RBM25: variants seen among roughly 807,000 people sequenced by gnomAD.
The protein encoded by RBM25 is RNA-binding protein 25.
RBM25 carries 19 observed loss-of-function variants against 120.7 expected under a neutral mutation model. That is an observed-to-expected ratio of 0.16 (90% CI 0.11 to 0.23). RBM25 has a LOEUF of 0.23. RBM25 is among the 10% of genes least tolerant of loss of function. The probability of loss-of-function intolerance (pLI) is 1.00; values close to 1 mark genes in which losing one functional copy is unlikely to be tolerated. For missense variants in RBM25, 605 were observed against 1,041.5 expected, an observed-to-expected ratio of 0.58 and a Z score of 5.77; for synonymous variants, 390 against 326.7, an observed-to-expected ratio of 1.19 and a Z score of -2.09.
rs763262585 is a variant in RBM25, at chr14:73,106,087, T to C, written c.1377+6T>C. On this transcript the variant is annotated splice_donor_region_variant and intron_variant, in intron 11 of 18. Coordinates refer to ENST00000261973, the MANE Select transcript of RBM25 (RefSeq NM_021239.3). ...AAGAAGCTGCTTATCAAGAGGTAAGTTGAGAAAATGCCTTTATTCTTAAAT... is the reference window on the plus strand; with the variant it reads ...AAGAAGCTGCTTATCAAGAGGTAAGCTGAGAAAATGCCTTTATTCTTAAAT... 1.2e-6 allele frequency: 2 copies of C among 1,602,012 alleles called. No individual in the cohort carries two copies. Among genetic ancestry groups the C allele is most frequent in the Admixed American group, 3.5e-5 (2 of 56,356 alleles).
At chr14:73,081,612 T>C (rs903448772) in intron 4 of RBM25, among the ~76,000 whole-genome samples, 2 of 152,224 alleles carry the variant, frequency 1.3e-5, no homozygotes, top group African/African-American at 4.8e-5. Flanking sequence ...ATTGGGATGA[T>C]ACATCCTCTG....
intron 5 of RBM25, among the ~76,000 whole-genome samples, chr14:73,086,280 A>G (rs891395118): frequency 3.9e-5 from 6 of 151,974 alleles, no homozygotes; most frequent in Non-Finnish European, 8.8e-5. Flanking sequence ...TCTACTAAAA[A>G]TACAGAAATT....
rs137934948 is a variant in RBM25 at position 73,087,996 on chromosome 14, G to T, written c.383-5G>T. 1 of 1,606,624 alleles carries T rather than the reference G, an allele frequency of 6.2e-7. No individual in the cohort carries two copies. Among genetic ancestry groups the T allele is most frequent in the African/African-American group, 1.3e-5 (1 of 74,454 alleles). ...ATTTCACTAATTGTTTTCATCCATT[G>T]CTAGCCTTCGGATTCTGTGAGTACA... is the stretch of plus-strand genomic sequence containing the variant. On this transcript the variant is annotated splice_region_variant and splice_polypyrimidine_tract_variant and intron_variant, in intron 5 of 18. Transcript: ENST00000261973.
intron 7 of RBM25, 24 bp downstream of exon 7, chr14:73,097,124 T>C (rs1220988416): frequency 1.3e-6 from 2 of 1,549,478 alleles, no homozygotes; most frequent in Non-Finnish European, 1.7e-6. Flanking sequence ...CAACAACATA[T>C]CATTTCTACC....
chr14:73,105,038 T>TACACACACACACACACACACACAC (rs57281649), intron 10 of RBM25, among the ~76,000 whole-genome samples: 3,656 of 141,072 alleles, frequency 0.026, 73 homozygotes, highest in African/African-American at 0.036. Flanking sequence ...ACATATTAAA[T>TACACACACACACACACACACACAC]ACACACACAC....
Position 73,076,374 on chromosome 14 carries a change from T to C in RBM25, c.156+6T>C. ...TTATGGCTCCTGCTCCAACTGTAAG[T>C]ATAACTTAAAGGAGGAATCATGAGT... On this transcript the variant is annotated splice_donor_region_variant and intron_variant, in intron 3 of 18. Coordinates refer to ENST00000261973, the MANE Select transcript of RBM25 (RefSeq NM_021239.3). 1 of 1,607,822 alleles carries C rather than the reference T, an allele frequency of 6.2e-7. No homozygotes were observed. The highest frequency in any genetic ancestry group is 8.5e-7 in the Non-Finnish European group (1 of 1,174,396).
chr14:73,092,502 T>C (rs1895840934), intron 6 of RBM25, among the ~76,000 whole-genome samples: 2 of 151,736 alleles, frequency 1.3e-5, no homozygotes, highest in African/African-American at 4.8e-5. Flanking sequence ...TCTCATTGAC[T>C]AAAAAGGAAA....
intron 6 of RBM25, 152 bp downstream of exon 6, chr14:73,088,313 T>TA: frequency 9.8e-7 from 1 of 1,019,778 alleles, no homozygotes; most frequent in Admixed American, 1.9e-5. Context: ...AGTTTGTAGT[T>TA]ATTTTAAGTC....
chr14:73,111,917 A>T, intron 16 of RBM25, 115 bp downstream of exon 16: 1 of 1,322,976 alleles, frequency 7.6e-7, no homozygotes, highest in Non-Finnish European at 1.0e-6. Context: ...ATAAGTAGGG[A>T]TGATCATCTT....
intron 1 of RBM25, among the ~76,000 whole-genome samples, chr14:73,065,576 T>C (rs1405829454): frequency 6.6e-6 from 1 of 152,014 alleles, no homozygotes; most frequent in Non-Finnish European, 1.5e-5. Context: ...AGGCGCACAC[T>C]ACCATGCCTG....
chr14:73,106,177 G>T lies in RBM25; in HGVS notation c.1378-19G>T, dbSNP rs572352181. The T allele has an allele frequency of 8.3e-6, 13 of 1,575,524 alleles. No individual in the cohort carries two copies. The African/African-American group carries it at 1.5e-4, about 18-fold the overall frequency. Reference sequence around the variant, plus strand: ...GCTATGTATAAATTTTTAAAGCTTTGAAAATTTAATTTTTTTAGCGCCTTA... The same window carrying T: ...GCTATGTATAAATTTTTAAAGCTTTTAAAATTTAATTTTTTTAGCGCCTTA... On this transcript the variant is annotated intron_variant, in intron 11 of 18. Coordinates refer to ENST00000261973, the MANE Select transcript of RBM25 (RefSeq NM_021239.3).
intron 6 of RBM25, among the ~76,000 whole-genome samples, chr14:73,089,918 G>A (rs1895772862): frequency 6.6e-6 from 1 of 152,118 alleles, no homozygotes; most frequent in East Asian, 1.9e-4. Context: ...CCAAAGTGCT[G>A]GGATTACGTG....
chr14:73,071,171 G>A (rs1407976695), intron 1 of RBM25, among the ~76,000 whole-genome samples: 1 of 150,844 alleles, frequency 6.6e-6, no homozygotes, highest in Non-Finnish European at 1.5e-5. Flanking sequence ...GAACCCGGGA[G>A]GCGGAGGTTG....
At chr14:73,107,758 CA>C (rs1243862463) in intron 12 of RBM25, 67 bp from the exon 13 acceptor site, 5 of 1,191,980 alleles carry the variant, frequency 4.2e-6, no homozygotes, top group South Asian at 2.7e-5. Flanking sequence ...TCTGTTTACA[CA>C]AAAAAGGGAA....
At chr14:73,070,389 T>C (rs1176020831) in intron 1 of RBM25, among the ~76,000 whole-genome samples, 1 of 152,022 alleles carries the variant, frequency 6.6e-6, no homozygotes. Context: ...AAATGCTAGC[T>C]TCTGATTCTT....
rs779029518 is a variant in RBM25, at chr14:73,119,813, T to C, written c.*8T>C. The stretch of plus-strand genomic sequence containing the variant: ...ATTGGTCTTGTGAAGTAAAACTTTT[T>C]ATATTTAGAGTTCCATTTCAGATTT... On this transcript the variant is annotated 3_prime_UTR_variant, in exon 19 of 19. Transcript: ENST00000261973. 1 of 1,599,298 alleles carries C rather than the reference T, an allele frequency of 6.3e-7. No individual in the cohort carries two copies. Among genetic ancestry groups the C allele is most frequent in the Admixed American group, 1.8e-5 (1 of 56,034 alleles).
intron 1 of RBM25, chr14:73,068,387 A>ATTTTTTTTTTTTTTT: frequency 8.4e-6 from 4 of 476,614 alleles, no homozygotes; most frequent in South Asian, 4.1e-5. Flanking sequence ...CTTGTATTTG[A>ATTTTTTTTTTTTTTT]TTTTTTTTTT....
chr14:73,092,688 ACATTAGGT>A (rs1895846216), intron 6 of RBM25, among the ~76,000 whole-genome samples: 5 of 151,772 alleles, frequency 3.3e-5, no homozygotes, highest in Admixed American at 3.3e-4. Flanking sequence ...TCGTCATTTA[ACATTAGGT>A]ATATCTCCTA....
At chr14:73,096,333 A>G (rs574655209) in intron 6 of RBM25, among the ~76,000 whole-genome samples, 1 of 152,280 alleles carries the variant, frequency 6.6e-6, no homozygotes, top group Admixed American at 6.5e-5. Flanking sequence ...TTAGGGTTGT[A>G]AGTGTATGGT....
Sources: allele counts gnomAD v4.1 joint callset (sites outside exome capture counted in the v4.1 genomes callset), GRCh38; gene constraint gnomAD v4.1.1; transcripts MANE v1.5; gene names NCBI Gene and HGNC (gene_info 2026-07-23, HGNC 2026-07-21).